The following TBC1D19 variants were observed in gnomAD, a reference collection of about 807,000 sequenced individuals.
TBC1D19 encodes the protein TBC1 domain family member 19.
TBC1D19 carries 60 observed loss-of-function variants against 89.0 expected under a neutral mutation model. The ratio of observed to expected loss-of-function variants is 0.67; its 90% confidence interval spans 0.55 to 0.84. TBC1D19 has a LOEUF of 0.84. TBC1D19 is among the 40% of genes least tolerant of loss of function. TBC1D19 has a pLI of 0.00. For missense variants in TBC1D19, 500 were observed against 610.8 expected, an observed-to-expected ratio of 0.82 and a Z score of 1.91; for synonymous variants, 189 against 199.7, an observed-to-expected ratio of 0.95 and a Z score of 0.45.
intron 1 of TBC1D19, among the ~76,000 whole-genome samples, chr4:26,603,582 C>T (rs1163482320): frequency 1.3e-5 from 2 of 151,948 alleles, no homozygotes; most frequent in Non-Finnish European, 2.9e-5. Context: ...TTTTCATGGA[C>T]AACAACCAAA....
the TBC1D19 span, among the ~76,000 whole-genome samples, chr4:26,801,035 G>T: frequency 1.3e-5 from 2 of 152,078 alleles, no homozygotes; most frequent in Admixed American, 1.3e-4. Context: ...GTCAATTTTG[G>T]CTTTTGTTGC....
At position 26,683,735 on chromosome 4, in the gene TBC1D19, A is replaced by G. The variant is rs559779411; in HGVS notation, c.877A>G (p.Ser293Gly). Reference protein sequence around the residue: ...NVIQHDLLVDSLIYKDVKLTA... With the variant: ...NVIQHDLLVDGLIYKDVKLTA... Reference sequence around the variant, plus strand: ...GATACAACATGACCTTTTGGTGGACAGTCTAATCTATAAAGTAAGTAAAAG... The same window carrying G: ...GATACAACATGACCTTTTGGTGGACGGTCTAATCTATAAAGTAAGTAAAAG... The change falls in exon 12 of 21, where the codon AGT becomes GGT. Residue 293 changes from serine (S) to glycine (G), a missense_variant. Transcript: ENST00000264866. The G allele has an allele frequency of 2.7e-4, 435 of 1,612,150 alleles. 12 individuals carry two copies. The South Asian group carries it at 4.6e-3, about 17-fold the overall frequency.
intron 18 of TBC1D19, among the ~76,000 whole-genome samples, chr4:26,744,834 C>T (rs776556373): frequency 6.6e-6 from 1 of 152,040 alleles, no homozygotes; most frequent in Non-Finnish European, 1.5e-5. Flanking sequence ...AATTTGTATT[C>T]TGCAAGTATC....
At chr4:26,581,336 G>T (rs146785415), upstream of TBC1D19, among the ~76,000 whole-genome samples, 27 of 152,186 alleles carry the variant, frequency 1.8e-4, no homozygotes, top group East Asian at 5.2e-3. Flanking sequence ...TTTAAGCCCC[G>T]CATGCATTAG....
At chr4:26,635,808 G>C (rs926130935) in intron 4 of TBC1D19, among the ~76,000 whole-genome samples, 1 of 152,040 alleles carries the variant, frequency 6.6e-6, no homozygotes, top group Non-Finnish European at 1.5e-5. Context: ...GGTGAGAAAA[G>C]TTTTAATGGA....
chr4:26,780,119 T>C, the TBC1D19 span, among the ~76,000 whole-genome samples: 1 of 152,294 alleles, frequency 6.6e-6, no homozygotes, highest in East Asian at 1.9e-4. Context: ...GCAAACTAAT[T>C]CACTTTGTCT....
intron 1 of TBC1D19, among the ~76,000 whole-genome samples, chr4:26,578,457 A>T (rs1739013613): frequency 6.6e-6 from 1 of 152,200 alleles, no homozygotes; most frequent in Non-Finnish European, 1.5e-5. Flanking sequence ...AGAGAACTGG[A>T]AGAACAAGAA....
chr4:26,698,476 T>C (rs1715009924), intron 13 of TBC1D19, among the ~76,000 whole-genome samples: 1 of 152,210 alleles, frequency 6.6e-6, no homozygotes, highest in Non-Finnish European at 1.5e-5. Flanking sequence ...CCCATCAAGC[T>C]ACCACTGACT....
chr4:26,720,502 T>C (rs1392939541), intron 15 of TBC1D19, among the ~76,000 whole-genome samples: 1 of 152,160 alleles, frequency 6.6e-6, no homozygotes, highest in Admixed American at 6.6e-5. Context: ...ATTGTTCTCA[T>C]AATTTGACCA....
intron 7 of TBC1D19, among the ~76,000 whole-genome samples, chr4:26,650,034 A>C (rs1744250993): frequency 6.6e-6 from 1 of 152,172 alleles, no homozygotes; most frequent in African/African-American, 2.4e-5. Context: ...CCTACAAAGG[A>C]CATGAACTCA....
chr4:26,599,973 A>G (rs1430439907), intron 1 of TBC1D19, among the ~76,000 whole-genome samples: 1 of 151,586 alleles, frequency 6.6e-6, no homozygotes, highest in African/African-American at 2.4e-5. Context: ...AAAAAAAAAA[A>G]AAGAATTTGC....
intron 7 of TBC1D19, among the ~76,000 whole-genome samples, chr4:26,659,247 G>T (rs181129963): frequency 1.3e-5 from 2 of 152,102 alleles, no homozygotes; most frequent in African/African-American, 4.8e-5. Context: ...TTACAATCAA[G>T]CAAGATTTTT....
chr4:26,737,851 C>G lies in TBC1D19; in HGVS notation c.1118-2013C>G, dbSNP rs370600471. Among the ~76,000 whole-genome samples the G allele has an allele frequency of 5.9e-5, 9 of 151,998 alleles. No individual in the cohort carries two copies. The East Asian group carries it at 1.5e-3, about 26-fold the overall frequency. ...ATACAGATCTTTAATGATAGGCTGT[C>G]ATTAAAAAGGAAACCAAAAGATAGT... On this transcript the variant is annotated intron_variant, in intron 16 of 20. Transcript: ENST00000264866.
At position 26,739,848 on chromosome 4, in the gene TBC1D19, A is replaced by G; in HGVS notation, c.1118-16A>G. The G allele has an allele frequency of 1.4e-6, 2 of 1,453,406 alleles. No homozygotes were observed. The highest frequency in any genetic ancestry group is 1.9e-6 in the Non-Finnish European group (2 of 1,068,826). 90.0% of individuals were successfully genotyped at this position (1,453,406 alleles called of 1,614,324 possible). On this transcript the variant is annotated splice_polypyrimidine_tract_variant and intron_variant, in intron 16 of 20. Coordinates refer to ENST00000264866, the MANE Select transcript of TBC1D19 (RefSeq NM_018317.4). Reference sequence around the variant, plus strand: ...CAGTAGTTCTGCAGTATTATAAATTAATTTTTTTCTTTCAGTTGCACCACT... The same window carrying G: ...CAGTAGTTCTGCAGTATTATAAATTGATTTTTTTCTTTCAGTTGCACCACT...
intron 7 of TBC1D19, among the ~76,000 whole-genome samples, chr4:26,658,909 G>A (rs1224563073): frequency 6.6e-6 from 1 of 152,146 alleles, no homozygotes; most frequent in African/African-American, 2.4e-5. Flanking sequence ...GTATAGGAAT[G>A]CTTGTGATTT....
chr4:26,739,876 G>A lies in TBC1D19; in HGVS notation c.1130G>A (p.Cys377Tyr). 1 of 1,567,268 alleles carries A rather than the reference G, an allele frequency of 6.4e-7. No individual in the cohort carries two copies. Among genetic ancestry groups the A allele is most frequent in the Non-Finnish European group, 8.6e-7 (1 of 1,159,976 alleles). ...HGFSMYVAPL[C>Y]FLYHEPSKLY... ...TTTTTTCTTTCAGTTGCACCACTTT[G>A]TTTTCTATACCATGAACCTTCCAAA... is the stretch of plus-strand genomic sequence containing the variant. Residue 377 changes from cysteine (C) to tyrosine (Y), a missense_variant, in exon 17 of 21, where the codon TGT becomes TAT. Physicochemically the swap from Cys to Tyr is radical, Grantham distance 194 (BLOSUM62 -2). Transcript: ENST00000264866.
the TBC1D19 span, among the ~76,000 whole-genome samples, chr4:26,830,199 A>AC: frequency 1.3e-5 from 2 of 151,998 alleles, no homozygotes; most frequent in Non-Finnish European, 2.9e-5. Context: ...CTTGCAAATT[A>AC]CCCCCCCTTT....
At position 26,755,278 on chromosome 4, in the gene TBC1D19, A is replaced by G. The variant is rs1235110911; in HGVS notation, c.*331A>G. The G allele has an allele frequency of 1.3e-5, 2 of 152,858 alleles. No individual in the cohort carries two copies. Among genetic ancestry groups the G allele is most frequent in the Non-Finnish European group, 2.9e-5 (2 of 68,406 alleles). The allele number at this position is 152,858 out of a possible 1,614,324, so 9.5% of individuals were successfully genotyped here. ...TGCAATAAGAACTAAAGATACTGTAATAAACTTCAAGAGGTAATGTAGCTT... is the reference window on the plus strand; with the variant it reads ...TGCAATAAGAACTAAAGATACTGTAGTAAACTTCAAGAGGTAATGTAGCTT... On this transcript the variant is annotated 3_prime_UTR_variant, in exon 21 of 21. Coordinates refer to ENST00000264866, the MANE Select transcript of TBC1D19 (RefSeq NM_018317.4).
At chr4:26,735,912 A>T (rs1312250463) in intron 16 of TBC1D19, among the ~76,000 whole-genome samples, 38 of 150,656 alleles carry the variant, frequency 2.5e-4, no homozygotes, top group African/African-American at 9.2e-4. Context: ...GCTGGAGAGG[A>T]TGTGGAGAAA....
Sources: gnomAD v4.1 joint callset for allele counts (sites outside exome capture counted in the v4.1 genomes callset) on GRCh38, gnomAD v4.1.1 for gene constraint, MANE v1.5 for transcripts, NCBI Gene and HGNC (gene_info 2026-07-23, HGNC 2026-07-21) for gene names.